The following ARHGAP8 variants were observed in gnomAD, a reference collection of about 807,000 sequenced individuals.
The protein encoded by ARHGAP8 is Rho GTPase activating protein 8.
A neutral mutation model predicts 46.1 loss-of-function variants in ARHGAP8; 62 were observed. That is an observed-to-expected ratio of 1.34 (90% CI 1.10 to 1.66). The LOEUF (loss-of-function observed/expected upper bound fraction) is 1.66. ARHGAP8 is among the 40% of genes most tolerant of loss of function. ARHGAP8 has a pLI of 0.00. For missense variants in ARHGAP8, 923 were observed against 568.4 expected, an observed-to-expected ratio of 1.62 and a Z score of -6.34; for synonymous variants, 375 against 243.1, an observed-to-expected ratio of 1.54 and a Z score of -5.05.
chr22:44,812,729 T>A (rs1602211877), intron 4 of ARHGAP8, among the ~76,000 whole-genome samples: 1 of 152,144 alleles, frequency 6.6e-6, no homozygotes, highest in Non-Finnish European at 1.5e-5. Context: ...ATCCTGCTCC[T>A]TGTCAAAATA....
chr22:44,814,710 C>A lies in ARHGAP8; in HGVS notation c.338C>A (p.Pro113His). The A allele has an allele frequency of 1.9e-6, 3 of 1,613,992 alleles. No homozygotes were observed. Among genetic ancestry groups the A allele is most frequent in the Non-Finnish European group, 2.5e-6 (3 of 1,179,964 alleles). The change falls in exon 5 of 12, where the codon CCC becomes CAC. Residue 113 changes from proline to histidine, a missense_variant. Transcript: ENST00000356099. ...KNLKALYVVH[P>H]TSFIKVLWNI... ...TTGAAGGCCCTCTACGTGGTGCACC[C>A]CACCAGCTTCATCAAGGTCCTGTGG...
chr22:44,839,542 C>T (rs1252836479), intron 7 of ARHGAP8, among the ~76,000 whole-genome samples: 1 of 152,164 alleles, frequency 6.6e-6, no homozygotes, highest in African/African-American at 2.4e-5. Flanking sequence ...CCGTGGAGCC[C>T]AGCAGGAGGA....
chr22:44,842,779 C>G (rs1358426816), intron 7 of ARHGAP8, among the ~76,000 whole-genome samples: 1 of 152,090 alleles, frequency 6.6e-6, no homozygotes, highest in Non-Finnish European at 1.5e-5. Flanking sequence ...CTGGGGGACG[C>G]CAGGAGCTCT....
chr22:44,809,115 C>T (rs1376339974), intron 4 of ARHGAP8: 2 of 470,862 alleles, frequency 4.2e-6, no homozygotes, highest in East Asian at 1.4e-4. Flanking sequence ...GCCACCATGC[C>T]AAGCCAACAC....
At position 44,825,544 on chromosome 22, in the gene ARHGAP8, C is replaced by T; in HGVS notation, c.547C>T (p.Pro183Ser). ...GACGCCGCCTCCCACCAAGACACCACCGCCGCGGCCCCCGCTGCCCACACA... is the reference window on the plus strand; with the variant it reads ...GACGCCGCCTCCCACCAAGACACCATCGCCGCGGCCCCCGCTGCCCACACA... ...GRTPPPTKTP[P>S]PRPPLPTQQF... is the part of the protein sequence containing the mutation. The change falls in exon 7 of 12, where the codon CCG (proline) becomes TCG (serine). Residue 183 changes from proline to serine, a missense_variant. Physicochemically the swap from Pro to Ser is moderately conservative, Grantham distance 74. Transcript: ENST00000356099. 3 of 1,613,486 alleles carry T rather than the reference C, an allele frequency of 1.9e-6. No individual in the cohort carries two copies. The highest frequency in any genetic ancestry group is 8.5e-7 in the Non-Finnish European group (1 of 1,179,814).
chr22:44,834,149 C>T (rs966826902), intron 7 of ARHGAP8, among the ~76,000 whole-genome samples: 1 of 151,872 alleles, frequency 6.6e-6, no homozygotes, highest in South Asian at 2.1e-4. Context: ...CTATTTATTT[C>T]TACTCCAGTC....
At chr22:44,843,496 GA>G (rs1482101534) in intron 7 of ARHGAP8, among the ~76,000 whole-genome samples, 4 of 152,172 alleles carry the variant, frequency 2.6e-5, no homozygotes, top group Non-Finnish European at 4.4e-5. Flanking sequence ...AAAGTAGTAT[GA>G]GGCTTAAAAC....
chr22:44,762,688 C>T (rs148118457), intron 1 of ARHGAP8, among the ~76,000 whole-genome samples: 3,300 of 151,926 alleles, frequency 0.022, 43 homozygotes, highest in South Asian at 0.044. Flanking sequence ...GGATTACAGG[C>T]GCCCACCACC....
intron 1 of ARHGAP8, among the ~76,000 whole-genome samples, chr22:44,767,468 C>T (rs1925663694): frequency 6.6e-6 from 1 of 152,102 alleles, no homozygotes; most frequent in Admixed American, 6.6e-5. Flanking sequence ...CATTATCACA[C>T]TAAGAAAATT....
At chr22:44,798,616 C>T (rs1289578676) in intron 2 of ARHGAP8, among the ~76,000 whole-genome samples, 4 of 151,952 alleles carry the variant, frequency 2.6e-5, no homozygotes, top group Non-Finnish European at 5.9e-5. Context: ...CAGCCCCTTC[C>T]CTGAGGTCCA....
chr22:44,761,414 C>A (rs1304645984), intron 1 of ARHGAP8, among the ~76,000 whole-genome samples: 1 of 152,174 alleles, frequency 6.6e-6, no homozygotes, highest in East Asian at 1.9e-4. Context: ...ATTCCCTAAA[C>A]AACACAATGT....
intron 2 of ARHGAP8, among the ~76,000 whole-genome samples, chr22:44,788,442 G>T (rs2147052436): frequency 6.6e-6 from 1 of 151,718 alleles, no homozygotes; most frequent in Admixed American, 6.6e-5. Flanking sequence ...TTTGAGACAG[G>T]GTGTCACTCT....
At chr22:44,846,610 C>G (rs896752638) in intron 8 of ARHGAP8, among the ~76,000 whole-genome samples, 1 of 152,166 alleles carries the variant, frequency 6.6e-6, no homozygotes, top group African/African-American at 2.4e-5. Flanking sequence ...CCTGGACTGC[C>G]CCTCCTTGCC....
At chr22:44,812,028 G>T (rs1249357516) in intron 4 of ARHGAP8, among the ~76,000 whole-genome samples, 1 of 151,962 alleles carries the variant, frequency 6.6e-6, no homozygotes, top group Non-Finnish European at 1.5e-5. Context: ...ATGCAGTGAG[G>T]GTTTTCAGTC....
In ARHGAP8 at chr22:44,752,667, G is replaced by C. The variant is rs886258513; in HGVS notation, c.-72+40G>C. 130 of 150,602 alleles carry C rather than the reference G, an allele frequency of 8.6e-4. 1 individual carries two copies. Among genetic ancestry groups the C allele is most frequent in the African/African-American group, 3.1e-3 (126 of 41,036 alleles). 9.3% of individuals were successfully genotyped at this position (150,602 alleles called of 1,614,324 possible). On this transcript the variant is annotated intron_variant, in intron 1 of 11. Transcript: ENST00000356099. ...GGCGGGAGGGAGCGCGCAGGGAGGA[G>C]GCCGTGCTCGGGGTGGGGGGGTGCG...
intron 1 of ARHGAP8, among the ~76,000 whole-genome samples, chr22:44,754,286 C>T (rs1181404491): frequency 6.6e-6 from 1 of 151,584 alleles, no homozygotes; most frequent in East Asian, 1.9e-4. Flanking sequence ...CCATGGAGTG[C>T]CTGACGGGGT....
At position 44,764,092 on chromosome 22, in the gene ARHGAP8, G is replaced by A. The variant is rs141166595; in HGVS notation, c.-72+11465G>A. On this transcript the variant is annotated intron_variant, in intron 1 of 11. Coordinates refer to ENST00000356099, the MANE Select transcript of ARHGAP8 (RefSeq NM_181335.3). ...CTCCCAAAGTGCTGGGATTACAGGC[G>A]TGAGCCACCGCGCCCGGCCATGATT... 7.2e-3 allele frequency among the ~76,000 whole-genome samples: 1,090 copies of A among 152,240 alleles called. 20 individuals are homozygous for A. Among genetic ancestry groups the A allele is most frequent in the African/African-American group, 0.024 (1,014 of 41,542 alleles).
chr22:44,814,821 G>A, intron 5 of ARHGAP8, 63 bp downstream of exon 5: 1 of 1,580,632 alleles, frequency 6.3e-7, no homozygotes, highest in Non-Finnish European at 8.7e-7. Flanking sequence ...AGGGTCCATG[G>A]GACGGCCTTC....
intron 11 of ARHGAP8, among the ~76,000 whole-genome samples, chr22:44,860,544 G>C (rs375474812): frequency 0.013 from 473 of 37,108 alleles, 3 homozygotes; most frequent in African/African-American, 0.029. Context: ...CTCATCTTGA[G>C]ATCCTCAACG....
Sources: gnomAD v4.1 joint callset for allele counts (sites outside exome capture counted in the v4.1 genomes callset) on GRCh38, gnomAD v4.1.1 for gene constraint, MANE v1.5 for transcripts, NCBI Gene and HGNC (gene_info 2026-07-23, HGNC 2026-07-21) for gene names.